Variants in MYO18A observed in about 807,000 individuals in gnomAD.
MYO18A encodes the protein myosin XVIIIA, also known as unconventional myosin-XVIIIa.
A neutral mutation model predicts 235.8 loss-of-function variants in MYO18A; 78 were observed. The observed-to-expected ratio is 0.33, with a 90% CI of 0.28 to 0.40. The LOEUF is 0.40. Among genes scored for constraint, MYO18A ranks in the 10% least tolerant of loss-of-function variants. The pLI is 1.00. For missense variants in MYO18A, 2,215 were observed against 2,699.3 expected (o/e 0.82, Z 3.98); for synonymous variants, 977 against 1,077.8 (o/e 0.91, Z 1.83).
rs1055920007 is a variant in MYO18A at position 29,109,510 on chromosome 17, G to T, written c.3331+348C>A. On this transcript the variant is annotated intron_variant, in intron 19 of 41. Transcript: ENST00000527372. This position sits in a 1 kb window ranked among gnomAD's most constrained non-coding sequence, Gnocchi z 4.1. ...TCTCACTGGGCAGATGGCTCCGAAA[G>T]GGCACTGGGTTTGCTGCTGTGGGCA... Among the ~76,000 whole-genome samples, 36 of 152,184 alleles carry T rather than the reference G, an allele frequency of 2.4e-4. No homozygotes were observed. The highest frequency in any genetic ancestry group is 8.4e-4 in the African/African-American group (35 of 41,444).
chr17:29,075,190 T>G, intron 41 of MYO18A: 1 of 353,076 alleles, frequency 2.8e-6, no homozygotes, highest in Non-Finnish European at 5.6e-6. Context: ...TCCTGGGCCC[T>G]TCCTCTTAGA....
At chr17:29,103,131 A>G (rs529569335) in intron 21 of MYO18A, among the ~76,000 whole-genome samples, 1 of 152,370 alleles carries the variant, frequency 6.6e-6, no homozygotes, top group Non-Finnish European at 1.5e-5. Context: ...GCCTGTGGGC[A>G]GGTGGTGGTG....
chr17:29,079,660 G>C, intron 41 of MYO18A: 1 of 959,958 alleles, frequency 1.0e-6, no homozygotes, highest in South Asian at 4.8e-5. Flanking sequence ...GGCCTGAGGG[G>C]CAGGGAGGAC....
Position 29,111,939 on chromosome 17 carries a change from C to T in MYO18A, c.2599-76G>A, listed in dbSNP as rs1012506514. ...GGGCCAGGGTGGTGCCGGGCCCAAA[C>T]ACACCCTACAGAATGCTACACATGT... On this transcript the variant is annotated intron_variant, in intron 15 of 41. Transcript: ENST00000527372. This position sits in a 1 kb window ranked among gnomAD's most constrained non-coding sequence, Gnocchi z 5.1. 2.2e-5 allele frequency: 34 copies of T among 1,530,214 alleles called. No individual in the cohort carries two copies. In the Admixed American group the frequency reaches 6.7e-4, roughly 30 times the overall value. The allele number at this position is 1,530,214 out of a possible 1,614,324, so 94.8% of individuals were successfully genotyped here. A position where few individuals can be genotyped will look rare whatever the true frequency, so the allele number is the denominator to read the frequency against.
chr17:29,154,121 T>TGTGTGTGTGTGCGCGCGCGCGCGC (rs142430455), intron 2 of MYO18A, among the ~76,000 whole-genome samples: 3 of 149,108 alleles, frequency 2.0e-5, no homozygotes, highest in African/African-American at 7.6e-5. Context: ...TGTGTGTGTG[T>TGTGTGTGTGTGCGCGCGCGCGCGC]GCGCGCGCGT....
intron 2 of MYO18A, among the ~76,000 whole-genome samples, chr17:29,122,554 C>A (rs2067227240): frequency 6.6e-6 from 1 of 152,176 alleles, no homozygotes. Flanking sequence ...AAAGAGGAGA[C>A]CCCAGGAAAG....
chr17:29,097,977 A>T, intron 25 of MYO18A, 78 bp from the exon 26 acceptor site: 3 of 1,572,648 alleles, frequency 1.9e-6, no homozygotes, highest in East Asian at 2.2e-5. Context: ...CCATGATCAC[A>T]TGCTTACCAA....
chr17:29,126,070 C>T lies in MYO18A; in HGVS notation c.1000-3817G>A. 1.8e-6 allele frequency: 1 copy of T among 555,384 alleles called. No homozygotes were observed. The highest frequency in any genetic ancestry group is 2.3e-6 in the Non-Finnish European group (1 of 436,276). 34.4% of individuals were successfully genotyped at this position (555,384 alleles called of 1,614,324 possible). On this transcript the variant is annotated intron_variant, in intron 2 of 41. Transcript: ENST00000527372. The surrounding 1 kb of genome is among the most constrained non-coding windows in gnomAD (Gnocchi z 4.1). ...ACTGGGACCCACTAGGGAAGGGGAG[C>T]AGCGCCAGGGAGCAAGCCGCGCGGC... is the stretch of plus-strand genomic sequence containing the variant.
chr17:29,113,461 C>T (rs1014065177), intron 15 of MYO18A, among the ~76,000 whole-genome samples: 5 of 152,196 alleles, frequency 3.3e-5, no homozygotes, highest in Admixed American at 3.3e-4. Flanking sequence ...AAAGCCTGCC[C>T]CCAAAGTTGA....
intron 2 of MYO18A, among the ~76,000 whole-genome samples, chr17:29,135,543 T>G (rs1334010621): frequency 1.3e-5 from 2 of 152,256 alleles, no homozygotes; most frequent in Non-Finnish European, 2.9e-5. Flanking sequence ...ACTTTAAGTT[T>G]GTCTGTTGGT....
chr17:29,174,376 G>A (rs1187750295), intron 1 of MYO18A, among the ~76,000 whole-genome samples: 1 of 152,106 alleles, frequency 6.6e-6, no homozygotes, highest in African/African-American at 2.4e-5. Context: ...AGGCAGTGGT[G>A]CACACCTGTG....
chr17:29,084,609 A>T (rs114994371), intron 40 of MYO18A, among the ~76,000 whole-genome samples: 411 of 152,230 alleles, frequency 2.7e-3, no homozygotes, highest in African/African-American at 9.3e-3. Flanking sequence ...GAACAAACAA[A>T]CGGAGACAGA....
chr17:29,120,824 T>C lies in MYO18A; in HGVS notation c.1586-66A>G. ...GGCAGCTTATCCCCCAGCTAGGAGCTACCCCAGAGGTATGAAGGCTTGGGG... is the reference window on the plus strand; with the variant it reads ...GGCAGCTTATCCCCCAGCTAGGAGCCACCCCAGAGGTATGAAGGCTTGGGG... On this transcript the variant is annotated intron_variant, in intron 6 of 41. Transcript: ENST00000527372. The surrounding 1 kb of genome is among the most constrained non-coding windows in gnomAD (Gnocchi z 4.2). 6.3e-7 allele frequency: 1 copy of C among 1,582,836 alleles called. No homozygotes were observed. Among genetic ancestry groups the C allele is most frequent in the African/African-American group, 1.3e-5 (1 of 74,452 alleles).
chr17:29,096,638 G>C (rs2066524484), intron 28 of MYO18A, 123 bp downstream of exon 28: 1 of 1,255,660 alleles, frequency 8.0e-7, no homozygotes, highest in Admixed American at 3.3e-5. Flanking sequence ...TGAGTGACCA[G>C]GCAAGCAAGG....
At chr17:29,099,149 G>A (rs2066595203) in intron 22 of MYO18A, among the ~76,000 whole-genome samples, 180 bp from the exon 23 acceptor site, 2 of 152,172 alleles carry the variant, frequency 1.3e-5, no homozygotes, top group South Asian at 4.1e-4. Context: ...CTCAAAGGGT[G>A]GGCAGCACAG....
At chr17:29,136,306 A>C (rs982300379) in intron 2 of MYO18A, among the ~76,000 whole-genome samples, 3 of 147,994 alleles carry the variant, frequency 2.0e-5, no homozygotes, top group African/African-American at 7.4e-5. Flanking sequence ...TAAACCTACC[A>C]TGTACCCACA....
Position 29,119,397 on chromosome 17 carries a change from T to C in MYO18A, c.1767A>G (p.Pro589=), listed in dbSNP as rs374976087. The C allele has an allele frequency of 8.4e-5, 135 of 1,611,564 alleles. No homozygotes were observed. The highest frequency in any genetic ancestry group is 1.1e-4 in the Non-Finnish European group (130 of 1,179,380). The change falls in exon 8 of 42, where the codon CCA becomes CCG. Residue 589 remains proline, a synonymous_variant. Coordinates refer to ENST00000527372, the MANE Select transcript of MYO18A (RefSeq NM_078471.4). ...LLEKLRVARR[P]ASEATFNVFY... ...AGACGTTGAATGTGGCTTCACTGGC[T>C]GGGCGCCGAGCCACACGCAGCTTCT...
chr17:29,122,955 C>G (rs538360370), intron 2 of MYO18A, among the ~76,000 whole-genome samples: 20 of 152,326 alleles, frequency 1.3e-4, no homozygotes, highest in Middle Eastern at 3.4e-3. Flanking sequence ...CACGCTAATG[C>G]CATACAAAGG....
chr17:29,109,996 G>A lies in MYO18A; in HGVS notation c.3193C>T (p.Arg1065Ter), dbSNP rs1239004313. 4 of 1,612,166 alleles carry A rather than the reference G, an allele frequency of 2.5e-6. No homozygotes were observed. Among genetic ancestry groups the A allele is most frequent in the Non-Finnish European group, 1.7e-6 (2 of 1,179,400 alleles). Reference protein sequence around the residue: ...AGEPRSASSRRVSSSSELDLP... With the variant: ...AGEPRSASSR ...TCCAGCTCACTGCTGCTGCTGACTCGGCGGGAGGAGGCGGAACGGGGCTCC... is the reference window on the plus strand; with the variant it reads ...TCCAGCTCACTGCTGCTGCTGACTCAGCGGGAGGAGGCGGAACGGGGCTCC... The change falls in exon 19 of 42, where the codon CGA becomes TGA. Residue 1065 changes from arginine to a stop codon, truncating the protein, a stop_gained. Coordinates refer to ENST00000527372, the MANE Select transcript of MYO18A (RefSeq NM_078471.4). LOFTEE classifies it high-confidence loss of function. The surrounding 1 kb of genome is among the most constrained non-coding windows in gnomAD (Gnocchi z 4.1).
Sources: allele counts gnomAD v4.1 joint callset (sites outside exome capture counted in the v4.1 genomes callset), GRCh38; gene constraint gnomAD v4.1.1; non-coding constraint Gnocchi (gnomAD v3.1); transcripts MANE v1.5; gene names NCBI Gene and HGNC (gene_info 2026-07-23, HGNC 2026-07-21).